The following SUGCT variants were observed in gnomAD, a reference collection of about 807,000 sequenced individuals.
The protein encoded by SUGCT is succinyl-CoA:glutarate-CoA transferase, also known as succinyl-CoA:glutarate CoA-transferase.
SUGCT carries 41 observed loss-of-function variants against 55.0 expected under a neutral mutation model. The observed-to-expected ratio is 0.74, with a 90% CI of 0.58 to 0.97. The LOEUF (loss-of-function observed/expected upper bound fraction) is 0.97, where lower values mean the gene tolerates loss of function less well. Among genes scored for constraint, SUGCT ranks in the 50% least tolerant of loss-of-function variants. The pLI is 0.00. For synonymous variants in SUGCT, 187 were observed against 200.4 expected (o/e 0.93, Z 0.56); for missense variants, 568 against 547.8 (o/e 1.04, Z -0.37).
At chr7:40,728,045 CTT>C (rs1359123797) in intron 12 of SUGCT, among the ~76,000 whole-genome samples, 2 of 151,902 alleles carry the variant, frequency 1.3e-5, no homozygotes, top group South Asian at 4.2e-4. Context: ...AGGTTTTTTT[CTT>C]TGTTAAAATT....
intron 12 of SUGCT, among the ~76,000 whole-genome samples, chr7:40,528,375 A>G (rs1793913302): frequency 6.6e-6 from 1 of 152,206 alleles, no homozygotes; most frequent in African/African-American, 2.4e-5. Flanking sequence ...ATACCTTTAG[A>G]CAGTCATCTT....
intron 12 of SUGCT, among the ~76,000 whole-genome samples, chr7:40,698,554 A>C (rs1584294298): frequency 1.3e-5 from 2 of 152,206 alleles, no homozygotes; most frequent in Non-Finnish European, 2.9e-5. Flanking sequence ...TGGAGACTAC[A>C]CTGATGCCTC....
At chr7:40,769,639 A>G (rs968010455) in intron 13 of SUGCT, among the ~76,000 whole-genome samples, 1 of 152,268 alleles carries the variant, frequency 6.6e-6, no homozygotes, top group African/African-American at 2.4e-5. Context: ...ATTGTGCCCT[A>G]GATCTTCCAA....
chr7:40,731,195 T>G (rs925177646), intron 12 of SUGCT, among the ~76,000 whole-genome samples: 1 of 152,130 alleles, frequency 6.6e-6, no homozygotes, highest in Admixed American at 6.5e-5. Flanking sequence ...TCAAGGGTGT[T>G]TAGGTGAAAG....
chr7:40,274,719 A>G (rs1157236719), intron 8 of SUGCT, 63 bp downstream of exon 8: 1 of 1,490,620 alleles, frequency 6.7e-7, no homozygotes, highest in African/African-American at 1.4e-5. Context: ...ATACCTTTTC[A>G]GATCAAATTC....
chr7:40,865,068 TCAG>T (rs1794555839), downstream of SUGCT, among the ~76,000 whole-genome samples: 1 of 152,108 alleles, frequency 6.6e-6, no homozygotes, highest in Non-Finnish European at 1.5e-5. Context: ...GTCTTTTTTC[TCAG>T]CCTTTGAACC....
chr7:40,888,439 G>T, the SUGCT span, among the ~76,000 whole-genome samples: 2 of 148,290 alleles, frequency 1.3e-5, no homozygotes, highest in Non-Finnish European at 3.0e-5. Flanking sequence ...GACAGAGTGA[G>T]ACTCCATCCA....
intron 1 of SUGCT, among the ~76,000 whole-genome samples, chr7:40,164,762 A>G (rs1784345821): frequency 6.6e-6 from 1 of 152,236 alleles, no homozygotes. Flanking sequence ...CCGTCAATAC[A>G]TACTCATGAA....
intron 6 of SUGCT, among the ~76,000 whole-genome samples, chr7:40,213,206 T>G (rs1459669131): frequency 6.6e-6 from 1 of 152,336 alleles, no homozygotes; most frequent in East Asian, 1.9e-4. Context: ...CTTAATGTCC[T>G]TTTCTGTCCC....
chr7:40,924,592 G>C, the SUGCT span, among the ~76,000 whole-genome samples: 1 of 152,098 alleles, frequency 6.6e-6, no homozygotes, highest in Non-Finnish European at 1.5e-5. Context: ...AGATGCTCCA[G>C]GACTGGCTTG....
the SUGCT span, among the ~76,000 whole-genome samples, chr7:40,884,880 A>C: frequency 6.6e-6 from 1 of 152,140 alleles, no homozygotes; most frequent in Non-Finnish European, 1.5e-5. Flanking sequence ...CCCAAAGGGA[A>C]TCTTTCATCT....
At chr7:40,138,369 G>C (rs1787804415) in intron 1 of SUGCT, among the ~76,000 whole-genome samples, 1 of 152,022 alleles carries the variant, frequency 6.6e-6, no homozygotes, top group African/African-American at 2.4e-5. Context: ...TTGTATATAT[G>C]CCATATTTTG....
chr7:40,273,037 C>T (rs147062325), intron 7 of SUGCT, among the ~76,000 whole-genome samples: 1 of 152,100 alleles, frequency 6.6e-6, no homozygotes, highest in African/African-American at 2.4e-5. Flanking sequence ...GTTCAAGGGT[C>T]AATGTAACTT....
chr7:40,932,358 T>G, the SUGCT span, among the ~76,000 whole-genome samples: 1 of 152,202 alleles, frequency 6.6e-6, no homozygotes, highest in Non-Finnish European at 1.5e-5. Context: ...GTGGTCAATT[T>G]TGGAATAAGT....
chr7:40,452,533 C>A (rs556791785), intron 10 of SUGCT, among the ~76,000 whole-genome samples: 1 of 152,094 alleles, frequency 6.6e-6, no homozygotes, highest in African/African-American at 2.4e-5. Context: ...GTTTTTAGAC[C>A]ACCTGCTCCA....
intron 12 of SUGCT, among the ~76,000 whole-genome samples, chr7:40,579,633 C>T (rs558592125): frequency 6.2e-4 from 95 of 152,232 alleles, no homozygotes; most frequent in African/African-American, 2.2e-3. Flanking sequence ...GTGGGGGTGT[C>T]GTAGCACGTG....
At chr7:41,030,550 C>A in the SUGCT span, among the ~76,000 whole-genome samples, 1 of 152,206 alleles carries the variant, frequency 6.6e-6, no homozygotes, top group African/African-American at 2.4e-5. Context: ...TCTCGTCCCT[C>A]CCTTTACATT....
chr7:40,696,047 T>C (rs1365881742), intron 12 of SUGCT, among the ~76,000 whole-genome samples: 1 of 152,230 alleles, frequency 6.6e-6, no homozygotes, highest in African/African-American at 2.4e-5. Context: ...CAACCCATCC[T>C]ACAGTTCTTT....
chr7:40,462,110 T>C (rs1468413955), intron 11 of SUGCT, among the ~76,000 whole-genome samples: 1 of 152,182 alleles, frequency 6.6e-6, no homozygotes, highest in Admixed American at 6.5e-5. Flanking sequence ...TGAAAAATAA[T>C]ACAGGCCAGG....
Sources: gnomAD v4.1 joint callset for allele counts (sites outside exome capture counted in the v4.1 genomes callset) on GRCh38, gnomAD v4.1.1 for gene constraint, MANE v1.5 for transcripts, NCBI Gene and HGNC (gene_info 2026-07-23, HGNC 2026-07-21) for gene names.